PCNX2: variants seen among roughly 807,000 people sequenced by gnomAD.
PCNX2 encodes pecanex 2.
A neutral mutation model predicts 223.8 loss-of-function variants in PCNX2; 168 were observed. The observed-to-expected ratio is 0.75, with a 90% CI of 0.66 to 0.85. The LOEUF (loss-of-function observed/expected upper bound fraction) is 0.85, where lower values mean the gene tolerates loss of function less well. Ranked by LOEUF, PCNX2 falls within the 40% of genes least tolerant of loss-of-function variation. The pLI is 0.00. For synonymous variants in PCNX2, 1,006 were observed against 1,052.6 expected, an observed-to-expected ratio of 0.96 and a Z score of 0.86; for missense variants, 2,507 against 2,675.5, an observed-to-expected ratio of 0.94 and a Z score of 1.39.
chr1:233,115,173 C>T lies in PCNX2; in HGVS notation c.3838-19310G>A, dbSNP rs191027068. Among the ~76,000 whole-genome samples the T allele has an allele frequency of 5.3e-4, 80 of 151,478 alleles. 1 individual carries two copies. Among genetic ancestry groups the T allele is most frequent in the South Asian group, 1.3e-3 (6 of 4,788 alleles). On this transcript the variant is annotated intron_variant, in intron 21 of 33. Transcript: ENST00000258229. ...GACTACTACAACCAGGGAAGGAAGTCGAGGGCATTAAAAAAAAAAAGTTTA... is the reference window on the plus strand; with the variant it reads ...GACTACTACAACCAGGGAAGGAAGTTGAGGGCATTAAAAAAAAAAAGTTTA...
chr1:232,992,114 G>T (rs138036515), intron 32 of PCNX2, among the ~76,000 whole-genome samples: 194 of 152,330 alleles, frequency 1.3e-3, no homozygotes, highest in Non-Finnish European at 2.6e-3. Flanking sequence ...GTGGGAAAGG[G>T]GTAGCAGGCC....
chr1:232,999,511 T>C, intron 30 of PCNX2, 132 bp from the exon 31 acceptor site: 1 of 1,065,058 alleles, frequency 9.4e-7, no homozygotes, highest in Non-Finnish European at 1.3e-6. Flanking sequence ...TGGAGTGCAA[T>C]GGTGCAATCT....
intron 19 of PCNX2, among the ~76,000 whole-genome samples, chr1:233,144,448 G>A (rs879871915): frequency 3.9e-5 from 6 of 152,154 alleles, no homozygotes; most frequent in African/African-American, 7.2e-5. Context: ...AGCTTCAGCA[G>A]ATAATGACAA....
chr1:233,321,007 T>C, the PCNX2 span, among the ~76,000 whole-genome samples: 2 of 145,362 alleles, frequency 1.4e-5, no homozygotes, highest in African/African-American at 5.1e-5. Context: ...TTCAAGAAAA[T>C]GTCTTCTTTT....
chr1:233,200,869 T>TA (rs1487560707), intron 13 of PCNX2, among the ~76,000 whole-genome samples: 1 of 149,802 alleles, frequency 6.7e-6, no homozygotes, highest in Non-Finnish European at 1.5e-5. Flanking sequence ...TAAAAAAAAA[T>TA]ACAAAAATTA....
Position 233,139,936 on chromosome 1 carries a change from TCCC to T in PCNX2, c.3518-84_3518-82del. ...AAGTACAGGTAATAATAAGTAATATTCCCCCCCTTTAATTCAAAAGCTGCTAAT... is the reference window on the plus strand; with the variant it reads ...AAGTACAGGTAATAATAAGTAATATTCCCCTTTAATTCAAAAGCTGCTAAT... On this transcript the variant is annotated intron_variant, in intron 19 of 33. Transcript: ENST00000258229. The surrounding 1 kb of genome is among the most constrained non-coding windows in gnomAD (Gnocchi z 4.4). 1.4e-6 allele frequency: 2 copies of T among 1,473,432 alleles called. No homozygotes were observed. Among genetic ancestry groups the T allele is most frequent in the Non-Finnish European group, 1.8e-6 (2 of 1,099,922 alleles). The allele number at this position is 1,473,432 out of a possible 1,614,324, so 91.3% of individuals were successfully genotyped here.
Position 232,986,011 on chromosome 1 carries a change from C to T in PCNX2, c.6240+81G>A, listed in dbSNP as rs116184881. The stretch of plus-strand genomic sequence containing the variant: ...GGTTCTGCAGGCAGAAGGGTGGGAA[C>T]GCAAGGCAGGTGCCACGCTCAGGCC... On this transcript the variant is annotated intron_variant, in intron 33 of 33. Transcript: ENST00000258229. 497 of 1,458,688 alleles carry T rather than the reference C, an allele frequency of 3.4e-4. 4 individuals carry two copies. The African/African-American group carries it at 5.1e-3, about 15-fold the overall frequency. 90.4% of individuals were successfully genotyped at this position (1,458,688 alleles called of 1,614,324 possible).
intron 25 of PCNX2, among the ~76,000 whole-genome samples, chr1:233,038,139 CT>C (rs1162273843): frequency 6.6e-6 from 1 of 152,124 alleles, no homozygotes; most frequent in Admixed American, 6.6e-5. Context: ...CCAAAGTTTC[CT>C]GAATTTATTT....
At chr1:233,086,395 C>T (rs559926669) in intron 23 of PCNX2, among the ~76,000 whole-genome samples, 103 of 152,212 alleles carry the variant, frequency 6.8e-4, no homozygotes, top group African/African-American at 2.1e-3. Flanking sequence ...CAGTGGCTCA[C>T]GCCTGTAATC....
intron 16 of PCNX2, 118 bp from the exon 17 acceptor site, chr1:233,178,016 T>C: frequency 1.4e-6 from 1 of 690,056 alleles, no homozygotes. Flanking sequence ...TCTCTTCATT[T>C]AAAAATTTAT....
Position 233,135,130 on chromosome 1 carries a change from G to C in PCNX2, c.3720C>G (p.Asn1240Lys), listed in dbSNP as rs1458001718. 2 of 1,613,838 alleles carry C rather than the reference G, an allele frequency of 1.2e-6. No homozygotes were observed. The highest frequency in any genetic ancestry group is 3.3e-5 in the Admixed American group (2 of 60,024). The stretch of plus-strand genomic sequence containing the variant: ...TCAAGTTAATAAACTGGTAAACCGG[G>C]TTGCAGAATGATGTCCGCAACAGCT... ...GMKLLRTSFC[N>K]PVYQFINLSF... Residue 1240 changes from asparagine (N) to lysine (K), a missense_variant, in exon 21 of 34, where the codon AAC becomes AAG. This residue lies in a region of PCNX2 where 1,372 missense variants were observed against 1,509.4 expected (regional missense o/e 0.91). Transcript: ENST00000258229.
rs60155333 is a variant in PCNX2, at chr1:233,291,023, A to G, written c.153+4303T>C. On this transcript the variant is annotated intron_variant, in intron 1 of 33. Coordinates refer to ENST00000258229, the MANE Select transcript of PCNX2 (RefSeq NM_014801.4). ...TGGAGTTGACCACAATGCCACTGGC[A>G]TAATCATAATTCCACTGCAGGTGGC... 9,911 of 985,380 alleles carry G rather than the reference A, an allele frequency of 0.01. 740 individuals carry two copies. In the African/African-American group the frequency reaches 0.16, roughly 15 times the overall value. The allele number at this position is 985,380 out of a possible 1,614,324, so 61.0% of individuals were successfully genotyped here. A position where few individuals can be genotyped will look rare whatever the true frequency, so the allele number is the denominator to read the frequency against.
intron 1 of PCNX2, among the ~76,000 whole-genome samples, chr1:233,263,529 C>T (rs1448890248): frequency 2.7e-5 from 4 of 149,932 alleles, no homozygotes; most frequent in Admixed American, 6.7e-5. Context: ...GATCTCGGCT[C>T]ACTGCAACCT....
the PCNX2 span, among the ~76,000 whole-genome samples, chr1:233,316,927 G>A: frequency 6.6e-6 from 1 of 152,102 alleles, no homozygotes; most frequent in South Asian, 2.1e-4. Flanking sequence ...AAGCTCCATG[G>A]TAACAGGCAA....
At chr1:233,037,279 C>T (rs1486170073) in intron 25 of PCNX2, among the ~76,000 whole-genome samples, 2 of 152,202 alleles carry the variant, frequency 1.3e-5, no homozygotes, top group African/African-American at 4.8e-5. Flanking sequence ...AACTTCTCCC[C>T]TAGTTCCAGT....
chr1:233,189,380 T>C (rs1282323818), intron 15 of PCNX2, among the ~76,000 whole-genome samples: 2 of 152,198 alleles, frequency 1.3e-5, no homozygotes, highest in South Asian at 2.1e-4. Flanking sequence ...AAGACAAATA[T>C]ATTTATACTT....
At chr1:233,182,739 T>C (rs990360986) in intron 15 of PCNX2, among the ~76,000 whole-genome samples, 1 of 152,100 alleles carries the variant, frequency 6.6e-6, no homozygotes, top group Non-Finnish European at 1.5e-5. Context: ...CTCCATTCCA[T>C]TCCATTCCAT....
At chr1:233,105,934 G>A (rs1674744697) in intron 21 of PCNX2, among the ~76,000 whole-genome samples, 1 of 152,184 alleles carries the variant, frequency 6.6e-6, no homozygotes, top group Non-Finnish European at 1.5e-5. Context: ...GGACTCCTGA[G>A]AATTAGGATC....
rs1469197022 is a variant in PCNX2, at chr1:232,984,100, G to A, written c.*204C>T. On this transcript the variant is annotated 3_prime_UTR_variant, in exon 34 of 34. Coordinates refer to ENST00000258229, the MANE Select transcript of PCNX2 (RefSeq NM_014801.4). ...CATCATGTGAGGTTTTTTTGTTGTT[G>A]TTGTTTGATTTTTTTTTTTTTTTTT... 29 of 367,092 alleles carry A rather than the reference G, an allele frequency of 7.9e-5. No individual in the cohort carries two copies. The East Asian group carries it at 1.3e-3, about 17-fold the overall frequency. 22.7% of individuals were successfully genotyped at this position (367,092 alleles called of 1,614,324 possible). A position where few individuals can be genotyped will look rare whatever the true frequency, so the allele number is the denominator to read the frequency against.
Sources: allele counts gnomAD v4.1 joint callset (sites outside exome capture counted in the v4.1 genomes callset), GRCh38; gene constraint gnomAD v4.1.1; regional missense constraint gnomAD v4.1.1; non-coding constraint Gnocchi (gnomAD v3.1); transcripts MANE v1.5; gene names NCBI Gene and HGNC (gene_info 2026-07-23, HGNC 2026-07-21).